Variants in ZNF257 observed in about 807,000 individuals in gnomAD.
ZNF257 encodes bone marrow zinc finger 4.
ZNF257 carries 12 observed loss-of-function variants against 11.9 expected under a neutral mutation model. That is an observed-to-expected ratio of 1.01 (90% confidence interval 0.65 to 1.63). The LOEUF (loss-of-function observed/expected upper bound fraction) is 1.63. Among genes scored for constraint, ZNF257 ranks in the 40% most tolerant of loss-of-function variants. The pLI is 0.00. For missense variants in ZNF257, 580 were observed against 665.5 expected (o/e 0.87, Z 1.41); for synonymous variants, 183 against 222.7 (o/e 0.82, Z 1.59).
intron 3 of ZNF257, among the ~76,000 whole-genome samples, chr19:22,087,771 C>CAAATATACAAG (rs2022508294): frequency 2.0e-5 from 3 of 152,096 alleles, no homozygotes; most frequent in African/African-American, 7.2e-5. Flanking sequence ...ACTTTACACA[C>CAAATATACAAG]TTAACTCATT....
intron 3 of ZNF257, among the ~76,000 whole-genome samples, chr19:22,084,962 C>T (rs2022443279): frequency 6.6e-6 from 1 of 152,000 alleles, no homozygotes; most frequent in Non-Finnish European, 1.5e-5. Context: ...CTCCTGACCT[C>T]AGGTGATCCA....
chr19:22,078,595 ATTTTC>A (rs1789787634), intron 3 of ZNF257, among the ~76,000 whole-genome samples: 1 of 151,822 alleles, frequency 6.6e-6, no homozygotes, highest in African/African-American at 2.4e-5. Context: ...TTTTTCTGTT[ATTTTC>A]TTTGTTGCTG....
intron 2 of ZNF257, 116 bp from the exon 3 acceptor site, chr19:22,073,353 G>A: frequency 8.4e-7 from 1 of 1,186,486 alleles, no homozygotes; most frequent in South Asian, 2.0e-5. Context: ...TTATAAATTA[G>A]TATTTTGGCA....
intron 3 of ZNF257, 53 bp from the exon 4 acceptor site, chr19:22,087,924 A>T (rs1430954218): frequency 7.0e-7 from 1 of 1,429,652 alleles, no homozygotes; most frequent in Non-Finnish European, 9.2e-7. Context: ...TTTGTAAAAA[A>T]TATTTACCTG....
chr19:22,064,725 T>G (rs1276258640), intron 1 of ZNF257, among the ~76,000 whole-genome samples: 1 of 152,174 alleles, frequency 6.6e-6, no homozygotes, highest in Non-Finnish European at 1.5e-5. Flanking sequence ...CATAGTTATG[T>G]GTAGTGTTTG....
chr19:22,080,811 TATATAC>T (rs1249926230), intron 3 of ZNF257, among the ~76,000 whole-genome samples: 3 of 151,414 alleles, frequency 2.0e-5, no homozygotes, highest in African/African-American at 7.3e-5. Flanking sequence ...CCTGATATTA[TATATAC>T]ATATACATAT....
At chr19:22,078,340 C>T (rs1432923444) in intron 3 of ZNF257, among the ~76,000 whole-genome samples, 2 of 149,688 alleles carry the variant, frequency 1.3e-5, no homozygotes, top group African/African-American at 4.9e-5. Context: ...AGTTATTTTG[C>T]ATTTTCTTTT....
intron 3 of ZNF257, chr19:22,087,708 A>G (rs543048113): frequency 1.4e-6 from 1 of 700,034 alleles, no homozygotes. Flanking sequence ...GGTTAATATA[A>G]CAGATTTTTC....
chr19:22,073,678 T>C, intron 3 of ZNF257, 114 bp downstream of exon 3: 1 of 1,352,154 alleles, frequency 7.4e-7, no homozygotes, highest in Non-Finnish European at 1.0e-6. Flanking sequence ...AGGGATATAG[T>C]TTCTGGAAGC....
rs562772303 is a variant in ZNF257 at position 22,063,167 on chromosome 19, A to G, written c.4-9642A>G. Among the ~76,000 whole-genome samples the G allele has an allele frequency of 2.6e-5, 4 of 152,318 alleles. No homozygotes were observed. The South Asian group carries it at 8.3e-4, about 32-fold the overall frequency. ...TGTTTGTGTGCATAGAGATGTGCAT[A>G]GTAGACTTCAGTAGTTATTTGTATT... is the stretch of plus-strand genomic sequence containing the variant. On this transcript the variant is annotated intron_variant, in intron 1 of 3. Transcript: ENST00000594947.
intron 1 of ZNF257, chr19:22,066,328 T>C (rs2021945080): frequency 6.5e-6 from 1 of 153,982 alleles, no homozygotes; most frequent in Admixed American, 6.5e-5. Context: ...TCCATTCCCT[T>C]TATTGTGAAG....
At chr19:22,058,685 C>T (rs2021708956) in intron 1 of ZNF257, among the ~76,000 whole-genome samples, 2 of 152,194 alleles carry the variant, frequency 1.3e-5, no homozygotes, top group East Asian at 1.9e-4. Context: ...TGTCATAGTG[C>T]CCATTGTTTT....
chr19:22,055,363 G>C (rs1025549374), intron 1 of ZNF257, among the ~76,000 whole-genome samples: 15 of 152,026 alleles, frequency 9.9e-5, no homozygotes, highest in Non-Finnish European at 2.2e-4. Context: ...CCACCCCAAC[G>C]TTTGGCTAAT....
rs185852651 is a variant in ZNF257 at position 22,060,307 on chromosome 19, A to G, written c.3+7672A>G. On this transcript the variant is annotated intron_variant, in intron 1 of 3. Coordinates refer to ENST00000594947, the MANE Select transcript of ZNF257 (RefSeq NM_033468.4). ...GCATTCCTTTTACAACCTTATCAGC[A>G]TCTGTGATTTTTTTTAACTTTCGTA... 5.4e-3 allele frequency among the ~76,000 whole-genome samples: 829 copies of G among 152,240 alleles called. 2 individuals are homozygous for G. Among genetic ancestry groups the G allele is most frequent in the African/African-American group, 0.018 (761 of 41,560 alleles).
intron 1 of ZNF257, among the ~76,000 whole-genome samples, chr19:22,059,387 A>T (rs2021731055): frequency 1.3e-5 from 2 of 152,062 alleles, no homozygotes; most frequent in Non-Finnish European, 2.9e-5. Flanking sequence ...ATAAATGGTA[A>T]CATGTATTTA....
chr19:22,082,494 G>A (rs1368021738), intron 3 of ZNF257, among the ~76,000 whole-genome samples: 1 of 152,074 alleles, frequency 6.6e-6, no homozygotes, highest in East Asian at 1.9e-4. Flanking sequence ...ATTTTTTATA[G>A]GACAGTGCTA....
At chr19:22,062,547 A>G (rs1713057262) in intron 1 of ZNF257, among the ~76,000 whole-genome samples, 1 of 149,846 alleles carries the variant, frequency 6.7e-6, no homozygotes, top group Non-Finnish European at 1.5e-5. Flanking sequence ...CAATGGTGCA[A>G]TCTCGGCTTA....
intron 1 of ZNF257, chr19:22,060,642 C>A (rs973997136): frequency 2.0e-5 from 3 of 151,922 alleles, no homozygotes; most frequent in East Asian, 1.9e-4. Flanking sequence ...CCCACCACCA[C>A]GCCCGGCTAA....
At chr19:22,068,551 A>G (rs2022021834) in intron 1 of ZNF257, among the ~76,000 whole-genome samples, 1 of 152,114 alleles carries the variant, frequency 6.6e-6, no homozygotes, top group Admixed American at 6.5e-5. Context: ...GTCAACATAG[A>G]CATCTTAAAG....
Sources: allele counts gnomAD v4.1 joint callset (sites outside exome capture counted in the v4.1 genomes callset), GRCh38; gene constraint gnomAD v4.1.1; transcripts MANE v1.5; gene names NCBI Gene and HGNC (gene_info 2026-07-23, HGNC 2026-07-21).